The following NUP160 variants were observed in gnomAD, a reference collection of about 807,000 sequenced individuals.
The protein encoded by NUP160 is nuclear pore complex protein Nup160.
NUP160 carries 94 observed loss-of-function variants against 196.9 expected under a neutral mutation model. That is an observed-to-expected ratio of 0.48 (90% CI 0.40 to 0.57). The LOEUF is 0.57. Among genes scored for constraint, NUP160 ranks in the 20% least tolerant of loss-of-function variants. The probability of loss-of-function intolerance (pLI) is 0.00; values close to 1 mark genes in which losing one functional copy is unlikely to be tolerated. For missense variants in NUP160, 1,638 were observed against 1,748.3 expected (o/e 0.94, Z 1.13); for synonymous variants, 605 against 619.7 (o/e 0.98, Z 0.35).
At chr11:47,786,498 A>G (rs752185040) in exon 32 of NUP160, 4 of 1,614,084 alleles carry the variant, frequency 2.5e-6, no homozygotes. Flanking sequence ...ATTGGCTGCT[A>G]GCCAGGCCCA....
At chr11:47,782,289 T>TTAAAAA (rs1213922075) in intron 34 of NUP160, among the ~76,000 whole-genome samples, 1 of 31,874 alleles carries the variant, frequency 3.1e-5, no homozygotes, top group Non-Finnish European at 4.7e-5. Flanking sequence ...AAAACTCAGT[T>TTAAAAA]AAAAAAAAAA....
chr11:47,801,962 C>G, intron 22 of NUP160, 32 bp from the exon 23 acceptor site: 2 of 1,608,948 alleles, frequency 1.2e-6, no homozygotes, highest in Non-Finnish European at 1.7e-6. Flanking sequence ...TGACTTGTAA[C>G]AGATCATTCA....
At chr11:47,817,147 CTAT>C (rs753493865) in intron 11 of NUP160, among the ~76,000 whole-genome samples, 1 of 150,836 alleles carries the variant, frequency 6.6e-6, no homozygotes, top group African/African-American at 2.4e-5. Context: ...GGCTATTTTT[CTAT>C]TATTATTATT....
chr11:47,796,152 T>TCA (rs767511118), intron 27 of NUP160: 251 of 118,708 alleles, frequency 2.1e-3, no homozygotes, highest in Middle Eastern at 0.014. Flanking sequence ...AGACTTCATC[T>TCA]AAAAAAAAAA....
At chr11:47,797,532 C>A in intron 27 of NUP160, among the ~76,000 whole-genome samples, 1 of 152,158 alleles carries the variant, frequency 6.6e-6, no homozygotes, top group South Asian at 2.1e-4. Context: ...AGCCACTGCG[C>A]CCAGTGCTAA....
At chr11:47,825,315 C>G (rs1235361501) in intron 7 of NUP160, among the ~76,000 whole-genome samples, 1 of 151,698 alleles carries the variant, frequency 6.6e-6, no homozygotes, top group Non-Finnish European at 1.5e-5. Context: ...ACGAGTCTCG[C>G]TCTATTGCCT....
intron 29 of NUP160, among the ~76,000 whole-genome samples, chr11:47,789,290 G>A (rs942721736): frequency 1.3e-5 from 2 of 152,124 alleles, no homozygotes; most frequent in African/African-American, 2.4e-5. Flanking sequence ...TACAAGGCAT[G>A]AGCCACTGCA....
intron 11 of NUP160, 49 bp from the exon 12 acceptor site, chr11:47,816,078 T>C (rs750320113): frequency 2.3e-6 from 3 of 1,294,952 alleles, no homozygotes; most frequent in Non-Finnish European, 3.4e-6. Context: ...CAAAACTGAA[T>C]GGAAAACGTT....
chr11:47,788,573 C>T (rs1174332391), exon 30 of NUP160: 3 of 1,614,014 alleles, frequency 1.9e-6, no homozygotes, highest in South Asian at 1.1e-5. Context: ...CACTCTTTCT[C>T]CAGATCTTCC....
intron 7 of NUP160, among the ~76,000 whole-genome samples, chr11:47,832,814 C>T (rs1023755908): frequency 6.6e-6 from 1 of 152,176 alleles, no homozygotes; most frequent in Admixed American, 6.5e-5. Context: ...TGGGCACTTA[C>T]AGAATGAAGT....
chr11:47,792,832 A>G (rs764431188), exon 28 of NUP160: 12 of 1,614,048 alleles, frequency 7.4e-6, no homozygotes, highest in South Asian at 2.2e-5. Flanking sequence ...TTCTGGACGA[A>G]TAAGTCGTAA....
intron 7 of NUP160, among the ~76,000 whole-genome samples, chr11:47,828,324 C>G (rs1489634159): frequency 6.6e-6 from 1 of 151,982 alleles, no homozygotes. Flanking sequence ...AATGAGCACT[C>G]TGAAAATGAA....
chr11:47,844,001 T>C (rs1318734068), intron 2 of NUP160, among the ~76,000 whole-genome samples: 1 of 152,238 alleles, frequency 6.6e-6, no homozygotes, highest in Non-Finnish European at 1.5e-5. Context: ...CCTATACGTT[T>C]TTCCATCGCA....
intron 7 of NUP160, among the ~76,000 whole-genome samples, chr11:47,831,890 ATTCC>A (rs1599342428): frequency 9.0e-6 from 1 of 111,054 alleles, no homozygotes; most frequent in East Asian, 2.7e-4. Context: ...GATCTAATAA[ATTCC>A]TTTTTTTTTT....
intron 27 of NUP160, among the ~76,000 whole-genome samples, chr11:47,794,960 G>A (rs2097670028): frequency 6.6e-6 from 1 of 151,874 alleles, no homozygotes; most frequent in African/African-American, 2.4e-5. Context: ...AACTAGCTGG[G>A]CATGGTGGTA....
chr11:47,788,076 A>G lies in NUP160; in HGVS notation c.3746+106T>C. The G allele has an allele frequency of 3.1e-6, 3 of 959,846 alleles. No homozygotes were observed. The South Asian group carries it at 4.9e-5, about 16-fold the overall frequency. 59.5% of individuals were successfully genotyped at this position (959,846 alleles called of 1,614,324 possible). A position where few individuals can be genotyped will look rare whatever the true frequency, so the allele number is the denominator to read the frequency against. On this transcript the variant is annotated intron_variant, in intron 31 of 35. Coordinates refer to ENST00000378460, the Ensembl canonical transcript of NUP160. ...ATTAAACAAAACACTTCTTCAAATC[A>G]TAAATGATATATGGGCTACTTGGCT...
rs1246716396 is a variant in NUP160 at position 47,847,837 on chromosome 11, A to G, written c.314+11T>C. The G allele has an allele frequency of 3.8e-6, 6 of 1,599,252 alleles. No homozygotes were observed. In the African/African-American group the frequency reaches 6.7e-5, roughly 18 times the overall value. On this transcript the variant is annotated intron_variant, in intron 2 of 35. Coordinates refer to ENST00000378460, the Ensembl canonical transcript of NUP160. ...ACCTTCCAGGGGAGTTTGGCGAACC[A>G]CAACACTTACCAATGAATGAACCTG...
intron 23 of NUP160, among the ~76,000 whole-genome samples, chr11:47,799,197 T>C (rs1301047459): frequency 6.6e-6 from 1 of 151,840 alleles, no homozygotes; most frequent in East Asian, 1.9e-4. Context: ...GTGATTCTCC[T>C]GCCTCAGCCT....
chr11:47,837,036 C>T (rs1221469484), intron 5 of NUP160, 35 bp from the exon 6 acceptor site: 3 of 1,184,012 alleles, frequency 2.5e-6, no homozygotes, highest in East Asian at 4.7e-5. Context: ...AGTTTTACTG[C>T]TGCAAAGAAT....
Sources: allele counts gnomAD v4.1 joint callset (sites outside exome capture counted in the v4.1 genomes callset), GRCh38; gene constraint gnomAD v4.1.1; transcripts MANE v1.5; gene names NCBI Gene and HGNC (gene_info 2026-07-23, HGNC 2026-07-21).